Variants in SHISA9 observed in about 807,000 individuals in gnomAD.
SHISA9 encodes protein shisa-9.
SHISA9 carries 13 observed loss-of-function variants against 38.0 expected under a neutral mutation model. That is an observed-to-expected ratio of 0.34 (90% CI 0.22 to 0.54). SHISA9 has a LOEUF of 0.54. Ranked by LOEUF, SHISA9 falls within the 20% of genes least tolerant of loss-of-function variation. The pLI, the probability that SHISA9 is intolerant of heterozygous loss-of-function variation, is 0.91. For synonymous variants in SHISA9, 275 were observed against 242.0 expected (o/e 1.14, Z -1.27); for missense variants, 538 against 575.8 (o/e 0.93, Z 0.67).
At chr16:13,000,955 A>C (rs1296763764) in intron 2 of SHISA9, among the ~76,000 whole-genome samples, 1 of 151,910 alleles carries the variant, frequency 6.6e-6, no homozygotes, top group African/African-American at 2.4e-5. Flanking sequence ...TTTGAGATGG[A>C]GTCTCACTCT....
At chr16:12,938,369 G>T (rs1041046011) in intron 2 of SHISA9, among the ~76,000 whole-genome samples, 6 of 152,174 alleles carry the variant, frequency 3.9e-5, no homozygotes, top group Admixed American at 1.3e-4. Context: ...TCAAGGCAAA[G>T]CTCAGCTCCT....
At chr16:13,493,376 G>T in the SHISA9 span, among the ~76,000 whole-genome samples, 4 of 152,288 alleles carry the variant, frequency 2.6e-5, no homozygotes, top group South Asian at 8.3e-4. Context: ...ACACCAAGAT[G>T]CAGGATTGCA....
the SHISA9 span, among the ~76,000 whole-genome samples, chr16:13,431,556 G>GT: frequency 1.3e-5 from 2 of 152,116 alleles, no homozygotes; most frequent in Non-Finnish European, 1.5e-5. Flanking sequence ...TTGGTCCACT[G>GT]TTTTCTTGTC....
At chr16:12,960,877 C>T (rs777418171) in intron 2 of SHISA9, among the ~76,000 whole-genome samples, 15 of 152,102 alleles carry the variant, frequency 9.9e-5, no homozygotes, top group African/African-American at 3.4e-4. Flanking sequence ...ATGTGCCAAG[C>T]GCTTTATAGG....
intron 2 of SHISA9, among the ~76,000 whole-genome samples, chr16:13,144,910 G>A (rs1596679540): frequency 1.3e-5 from 2 of 152,338 alleles, no homozygotes; most frequent in South Asian, 4.1e-4. Context: ...AAGAGAGAAG[G>A]AGGGAGGTTA....
chr16:13,276,298 TC>T, the SHISA9 span, among the ~76,000 whole-genome samples: 1 of 142,072 alleles, frequency 7.0e-6, no homozygotes, highest in Middle Eastern at 3.5e-3. Context: ...TAGCACAGTT[TC>T]TTTATCCACT....
At chr16:13,541,492 C>A in the SHISA9 span, among the ~76,000 whole-genome samples, 1 of 152,060 alleles carries the variant, frequency 6.6e-6, no homozygotes, top group East Asian at 1.9e-4. Context: ...AGCATTTGGC[C>A]CTCTTTACAA....
At chr16:13,554,372 G>A in the SHISA9 span, among the ~76,000 whole-genome samples, 8 of 150,312 alleles carry the variant, frequency 5.3e-5, no homozygotes, top group South Asian at 1.7e-3. Flanking sequence ...GGAAACAGAG[G>A]ACTTATATGC....
the SHISA9 span, among the ~76,000 whole-genome samples, chr16:13,535,108 T>C: frequency 6.6e-6 from 1 of 152,048 alleles, no homozygotes; most frequent in Non-Finnish European, 1.5e-5. Context: ...TAGCTCAATA[T>C]GGTGCTGTGC....
chr16:13,036,191 T>C (rs2073059925), intron 2 of SHISA9, among the ~76,000 whole-genome samples: 1 of 152,230 alleles, frequency 6.6e-6, no homozygotes, highest in Admixed American at 6.5e-5. Context: ...TGTATACTAA[T>C]GTTCAGAGTA....
At chr16:13,475,311 C>T in the SHISA9 span, among the ~76,000 whole-genome samples, 1 of 116,790 alleles carries the variant, frequency 8.6e-6, no homozygotes, top group South Asian at 2.7e-4. Flanking sequence ...AATGAGGAAA[C>T]ATATATATGC....
chr16:13,164,542 G>T (rs115211250), intron 2 of SHISA9, among the ~76,000 whole-genome samples: 1 of 151,960 alleles, frequency 6.6e-6, no homozygotes, highest in African/African-American at 2.4e-5. Context: ...AAAAGGTTTT[G>T]TAAAATTAAT....
intron 4 of SHISA9, among the ~76,000 whole-genome samples, chr16:13,223,020 G>C (rs2051244125): frequency 6.6e-6 from 1 of 152,078 alleles, no homozygotes; most frequent in Non-Finnish European, 1.5e-5. Context: ...ACATAGGCCT[G>C]GTTATTTTAG....
At chr16:13,556,754 C>A in the SHISA9 span, among the ~76,000 whole-genome samples, 2 of 151,890 alleles carry the variant, frequency 1.3e-5, no homozygotes, top group East Asian at 1.9e-4. Context: ...AATCACAGAT[C>A]AAAAATATTC....
At chr16:13,122,548 A>C (rs1160820851) in intron 2 of SHISA9, among the ~76,000 whole-genome samples, 3 of 152,166 alleles carry the variant, frequency 2.0e-5, no homozygotes, top group Non-Finnish European at 4.4e-5. Flanking sequence ...TGTCACCTGG[A>C]TTTGAAGGGT....
At chr16:13,403,084 AC>A in the SHISA9 span, among the ~76,000 whole-genome samples, 1,620 of 151,656 alleles carry the variant, frequency 0.011, 61 homozygotes, top group Admixed American at 0.075. Context: ...AGCCTGGGGG[AC>A]AGAGTGAGAC....
At chr16:13,330,506 G>A in the SHISA9 span, among the ~76,000 whole-genome samples, 1 of 152,164 alleles carries the variant, frequency 6.6e-6, no homozygotes, top group South Asian at 2.1e-4. Flanking sequence ...GCGTTCCAGA[G>A]ATATTCTATG....
chr16:13,241,649 G>T (rs1429958110), downstream of SHISA9, among the ~76,000 whole-genome samples: 2 of 152,200 alleles, frequency 1.3e-5, no homozygotes, highest in Non-Finnish European at 2.9e-5. Context: ...GAGATCTGGG[G>T]TCCCTGGGGA....
intron 2 of SHISA9, among the ~76,000 whole-genome samples, chr16:13,112,639 A>G (rs2073990637): frequency 6.6e-6 from 1 of 150,664 alleles, no homozygotes; most frequent in Non-Finnish European, 1.5e-5. Flanking sequence ...TTTTTTTTTA[A>G]CAAAACAAAT....
Sources: allele counts gnomAD v4.1 joint callset (sites outside exome capture counted in the v4.1 genomes callset), GRCh38; gene constraint gnomAD v4.1.1; transcripts MANE v1.5; gene names NCBI Gene and HGNC (gene_info 2026-07-23, HGNC 2026-07-21).